STK40: variants seen among roughly 807,000 people sequenced by gnomAD.
STK40 encodes the protein serine/threonine-protein kinase 40.
A neutral mutation model predicts 47.9 loss-of-function variants in STK40; 13 were observed. That is an observed-to-expected ratio of 0.27 (90% CI 0.18 to 0.43). STK40 has a LOEUF of 0.43. Ranked by LOEUF, STK40 falls within the 20% of genes least tolerant of loss-of-function variation. STK40 has a pLI of 1.00. For missense variants in STK40, 460 were observed against 595.1 expected, an observed-to-expected ratio of 0.77 and a Z score of 2.36; for synonymous variants, 225 against 243.2, an observed-to-expected ratio of 0.93 and a Z score of 0.69.
chr1:36,363,385 C>A (rs748496951), intron 1 of STK40, among the ~76,000 whole-genome samples: 8 of 152,052 alleles, frequency 5.3e-5, no homozygotes, highest in Non-Finnish European at 7.4e-5. Context: ...AACAAAAACC[C>A]ATTAACATCC....
intron 1 of STK40, among the ~76,000 whole-genome samples, chr1:36,371,523 C>T (rs1646946935): frequency 6.6e-6 from 1 of 151,478 alleles, no homozygotes; most frequent in Non-Finnish European, 1.5e-5. Flanking sequence ...TGCACCACTG[C>T]ACTCCAGCCT....
At chr1:36,345,991 ATTT>A (rs143130232) in intron 7 of STK40, among the ~76,000 whole-genome samples, 17 of 26,462 alleles carry the variant, frequency 6.4e-4, no homozygotes, top group African/African-American at 2.0e-3. Context: ...ATATATATAT[ATTT>A]TTTTTTTTTT....
chr1:36,377,531 TCAAA>T (rs1279040820), intron 1 of STK40, among the ~76,000 whole-genome samples: 1 of 64,380 alleles, frequency 1.6e-5, no homozygotes, highest in African/African-American at 1.1e-4. Context: ...AGACTCCGTC[TCAAA>T]AAAAAAAAAA....
intron 5 of STK40, 80 bp downstream of exon 5, chr1:36,355,126 C>A (rs1375305754): frequency 1.4e-6 from 2 of 1,439,502 alleles, no homozygotes; most frequent in Non-Finnish European, 1.9e-6. Flanking sequence ...GTGCACAGGA[C>A]AGAGCTGCCT....
intron 6 of STK40, 126 bp from the exon 7 acceptor site, chr1:36,348,941 G>C: frequency 1.2e-6 from 1 of 815,928 alleles, no homozygotes; most frequent in Non-Finnish European, 2.0e-6. Flanking sequence ...CTTCTCGTCA[G>C]AGGGTGAAGC....
chr1:36,365,680 C>T (rs1646895795), intron 1 of STK40, among the ~76,000 whole-genome samples: 1 of 152,214 alleles, frequency 6.6e-6, no homozygotes, highest in Non-Finnish European at 1.5e-5. Flanking sequence ...CCTACGCATC[C>T]TTCTCAATCT....
Position 36,370,615 on chromosome 1 carries a change from T to C in STK40, c.-8-9275A>G, listed in dbSNP as rs566259509. On this transcript the variant is annotated intron_variant, in intron 1 of 10. Transcript: ENST00000373132. ...CACTAGGTGGCTGCCAGGTCTCTTGTAGATTCCTGCGCACCTCTCTGGGTG... is the reference window on the plus strand; with the variant it reads ...CACTAGGTGGCTGCCAGGTCTCTTGCAGATTCCTGCGCACCTCTCTGGGTG... 2.3e-3 allele frequency among the ~76,000 whole-genome samples: 352 copies of C among 152,292 alleles called. 1 individual carries two copies. The highest frequency in any genetic ancestry group is 9.1e-3 in the South Asian group (44 of 4,822).
At chr1:36,354,283 C>T in intron 6 of STK40, 81 bp downstream of exon 6, 1 of 1,499,524 alleles carries the variant, frequency 6.7e-7, no homozygotes. Flanking sequence ...CATGAGGACA[C>T]TTCAGGGCAC....
At chr1:36,352,012 T>C (rs1646763330) in intron 6 of STK40, among the ~76,000 whole-genome samples, 1 of 152,186 alleles carries the variant, frequency 6.6e-6, no homozygotes, top group Non-Finnish European at 1.5e-5. Context: ...CACAGCAGGA[T>C]GGGACTGGCC....
chr1:36,374,932 T>G (rs1002445899), intron 1 of STK40, among the ~76,000 whole-genome samples: 2 of 152,190 alleles, frequency 1.3e-5, no homozygotes, highest in African/African-American at 2.4e-5. Flanking sequence ...GTGCAGTGAC[T>G]CAGTCCTGGA....
At chr1:36,384,226 C>T (rs916689925) in intron 1 of STK40, among the ~76,000 whole-genome samples, 1 of 152,108 alleles carries the variant, frequency 6.6e-6, no homozygotes, top group Non-Finnish European at 1.5e-5. Flanking sequence ...GATGGGGTTT[C>T]ACCATGTTAG....
chr1:36,358,694 AG>A, intron 3 of STK40, 42 bp downstream of exon 3: 1 of 1,602,550 alleles, frequency 6.2e-7, no homozygotes. Flanking sequence ...TTGGCATGAC[AG>A]GCCCTGTTCC....
intron 5 of STK40, 21 bp downstream of exon 5, chr1:36,355,185 A>G (rs1467753626): frequency 6.2e-7 from 1 of 1,609,146 alleles, no homozygotes; most frequent in Non-Finnish European, 8.5e-7. Context: ...CAGAAGGCGC[A>G]GCAGCAGGGT....
intron 1 of STK40, among the ~76,000 whole-genome samples, chr1:36,366,266 C>A (rs1046117814): frequency 3.9e-5 from 6 of 152,198 alleles, no homozygotes; most frequent in African/African-American, 1.4e-4. Flanking sequence ...CCGCCCCTCC[C>A]CCATCTCAGG....
intron 6 of STK40, 134 bp downstream of exon 6, chr1:36,354,230 C>T: frequency 1.1e-6 from 1 of 929,102 alleles, no homozygotes; most frequent in Non-Finnish European, 1.7e-6. Flanking sequence ...ATCCCGAGCC[C>T]TGGGATTCCT....
chr1:36,384,334 C>G (rs1259550362), intron 1 of STK40, among the ~76,000 whole-genome samples: 1 of 152,212 alleles, frequency 6.6e-6, no homozygotes, highest in Non-Finnish European at 1.5e-5. Flanking sequence ...CCAGCCACTA[C>G]TAGCTTCTTT....
chr1:36,343,783 T>C (rs1246830944), intron 9 of STK40, 77 bp downstream of exon 9: 15 of 1,508,528 alleles, frequency 9.9e-6, no homozygotes, highest in African/African-American at 1.4e-5. Flanking sequence ...GGCTGACTAC[T>C]GGCTGCTTTT....
At chr1:36,364,286 A>G (rs1267986071) in intron 1 of STK40, among the ~76,000 whole-genome samples, 1 of 152,192 alleles carries the variant, frequency 6.6e-6, no homozygotes, top group African/African-American at 2.4e-5. Flanking sequence ...AGGCTAATAC[A>G]AGGGGGACAT....
chr1:36,372,004 G>A (rs1360318985), intron 1 of STK40, among the ~76,000 whole-genome samples: 1 of 151,960 alleles, frequency 6.6e-6, no homozygotes, highest in Non-Finnish European at 1.5e-5. Flanking sequence ...CTCAAAAAAA[G>A]AAAGAAAGAA....
Sources: gnomAD v4.1 joint callset for allele counts (sites outside exome capture counted in the v4.1 genomes callset) on GRCh38, gnomAD v4.1.1 for gene constraint, MANE v1.5 for transcripts, NCBI Gene and HGNC (gene_info 2026-07-23, HGNC 2026-07-21) for gene names.